The following TRPM5 variants were observed in gnomAD, a reference collection of about 807,000 sequenced individuals.
TRPM5 encodes the protein MLSN1 and TRP-related.
In TRPM5, 121 loss-of-function variants were observed where a neutral mutation model predicts 124.9. The ratio of observed to expected loss-of-function variants is 0.97; its 90% confidence interval spans 0.84 to 1.13. The LOEUF is 1.13. Ranked by LOEUF, TRPM5 falls within the 50% of genes most tolerant of loss-of-function variation. The pLI, the probability that TRPM5 is intolerant of heterozygous loss-of-function variation, is 0.00. For synonymous variants in TRPM5, 781 were observed against 700.5 expected (o/e 1.11, Z -1.81); for missense variants, 1,643 against 1,589.1 (o/e 1.03, Z -0.58).
intron 3 of TRPM5, 147 bp from the exon 9 acceptor site, chr11:2,420,552 A>G (rs1042174979): frequency 6.2e-6 from 5 of 808,146 alleles, no homozygotes; most frequent in Admixed American, 3.1e-5. Context: ...CCCACCCTTC[A>G]GACAAAAGGA....
At chr11:2,420,461 C>T (rs961791300) in intron 3 of TRPM5, 56 bp from the exon 9 acceptor site, 3 of 1,524,294 alleles carry the variant, frequency 2.0e-6, no homozygotes, top group African/African-American at 1.4e-5. Flanking sequence ...TGGGCTGGTC[C>T]CGCTGCGGGA....
chr11:2,405,460 G>A (rs1207025082), intron 23 of TRPM5, 67 bp downstream of exon 28: 4 of 1,480,954 alleles, frequency 2.7e-6, no homozygotes, highest in Non-Finnish European at 3.7e-6. Context: ...ACAGCCTACG[G>A]CCCCCCAGCC....
chr11:2,423,697 G>A (rs1487250772), upstream of TRPM5, among the ~76,000 whole-genome samples: 1 of 152,234 alleles, frequency 6.6e-6, no homozygotes, highest in Non-Finnish European at 1.5e-5. Flanking sequence ...GCAAGCGGGG[G>A]TAGAAGAGGC....
In TRPM5 at chr11:2,414,705, G is replaced by A. The variant is rs1315341126; in HGVS notation, c.1744+10C>T. 1.7e-5 allele frequency: 26 copies of A among 1,529,596 alleles called. No individual in the cohort carries two copies. Among genetic ancestry groups the A allele is most frequent in the East Asian group, 1.5e-4 (6 of 40,496 alleles). The allele number at this position is 1,529,596 out of a possible 1,614,324, so 94.8% of individuals were successfully genotyped here. A position where few individuals can be genotyped will look rare whatever the true frequency, so the allele number is the denominator to read the frequency against. On this transcript the variant is annotated intron_variant, in intron 11 of 23. Coordinates refer to ENST00000155858, the Ensembl canonical transcript of TRPM5. Reference sequence around the variant, plus strand: ...GCGCGCGGGCCCGGCCCCAGCCGCCGGTCACTCACCAAGGGCCAGCCGCTC... The same window carrying A: ...GCGCGCGGGCCCGGCCCCAGCCGCCAGTCACTCACCAAGGGCCAGCCGCTC...
chr11:2,429,723 A>G, the TRPM5 span, among the ~76,000 whole-genome samples: 2 of 151,650 alleles, frequency 1.3e-5, no homozygotes, highest in Non-Finnish European at 2.9e-5. The surrounding 1 kb of genome is among the most constrained non-coding windows in gnomAD (Gnocchi z 8.4). Flanking sequence ...GATGGCAGTG[A>G]TAGTTAGGAT....
In TRPM5 at chr11:2,407,445, C is replaced by G. The variant is rs3815062; in HGVS notation, c.2937-145G>C. 17 of 814,666 alleles carry G rather than the reference C, an allele frequency of 2.1e-5. No individual in the cohort carries two copies. The East Asian group carries it at 4.6e-4, about 22-fold the overall frequency. The allele number at this position is 814,666 out of a possible 1,614,324, so 50.5% of individuals were successfully genotyped here. A position where few individuals can be genotyped will look rare whatever the true frequency, so the allele number is the denominator to read the frequency against. On this transcript the variant is annotated intron_variant, in intron 19 of 23. Coordinates refer to ENST00000155858, the Ensembl canonical transcript of TRPM5. ...TCTGCGTTGCCTCTGGGGTGTGTCA[C>G]GAGGGGTCCACTCTCCTTGGGTCTT...
At chr11:2,404,856 G>T in exon 24 of TRPM5, 2 of 1,227,200 alleles carry the variant, frequency 1.6e-6, no homozygotes, top group Non-Finnish European at 2.3e-6. Context: ...GGGTTCCGCT[G>T]GAGGTCGGCA....
exon 7 of TRPM5, chr11:2,417,796 T>A: frequency 6.4e-7 from 1 of 1,569,128 alleles, no homozygotes; most frequent in South Asian, 1.1e-5. Context: ...TCATACACGG[T>A]GAGCAGGTGC....
Position 2,410,168 on chromosome 11 carries a change from C to T in TRPM5, c.2782+1184G>A, listed in dbSNP as rs569145555. 3.8e-3 allele frequency among the ~76,000 whole-genome samples: 585 copies of T among 152,304 alleles called. 1 individual carries two copies. Among genetic ancestry groups the T allele is most frequent in the South Asian group, 0.012 (58 of 4,826 alleles). The stretch of plus-strand genomic sequence containing the variant: ...ATGAATGCCTGTGATGAGCAAACAC[C>T]AAAATGTCAGGAGGGGCTGCGGGGG... On this transcript the variant is annotated intron_variant, in intron 18 of 23. Coordinates refer to ENST00000155858, the Ensembl canonical transcript of TRPM5.
the TRPM5 span, among the ~76,000 whole-genome samples, chr11:2,428,726 T>G: frequency 4.3e-4 from 65 of 150,610 alleles, 4 homozygotes; most frequent in South Asian, 0.013. This position sits in a 1 kb window ranked among gnomAD's most constrained non-coding sequence, Gnocchi z 4.0. Flanking sequence ...GTAGTGACTG[T>G]GGTGTTGTTG....
the TRPM5 span, among the ~76,000 whole-genome samples, chr11:2,436,710 A>G: frequency 6.6e-6 from 1 of 152,236 alleles, no homozygotes; most frequent in Non-Finnish European, 1.5e-5. Context: ...CTCCCACACA[A>G]GGTGATGCCG....
chr11:2,409,123 G>C (rs1347227068), intron 18 of TRPM5, among the ~76,000 whole-genome samples: 2 of 152,142 alleles, frequency 1.3e-5, no homozygotes, highest in East Asian at 3.9e-4. Flanking sequence ...GAGTGAGTTA[G>C]TGTGACGCGT....
chr11:2,405,586 T>C (rs987940086), exon 23 of TRPM5: 2 of 1,562,772 alleles, frequency 1.3e-6, no homozygotes, highest in Admixed American at 3.8e-5. Context: ...CACCGAGCAG[T>C]AGTTGATCTG....
chr11:2,405,940 C>T, intron 22 of TRPM5, 79 bp downstream of exon 27: 1 of 1,296,864 alleles, frequency 7.7e-7, no homozygotes, highest in Non-Finnish European at 1.1e-6. Context: ...AGTGACCGGG[C>T]AGGGCTGTGG....
exon 3 of TRPM5, chr11:2,421,085 C>T (rs1036969415): frequency 8.4e-6 from 13 of 1,549,566 alleles, no homozygotes; most frequent in Non-Finnish European, 1.1e-5. Flanking sequence ...GAGGCCATGC[C>T]GACAGCAACC....
exon 11 of TRPM5, chr11:2,414,719 G>A: frequency 2.0e-6 from 3 of 1,538,396 alleles, no homozygotes; most frequent in Non-Finnish European, 2.6e-6. Context: ...ACTCACCAAG[G>A]GCCAGCCGCT....
the TRPM5 span, among the ~76,000 whole-genome samples, chr11:2,437,836 G>C: frequency 1.3e-5 from 2 of 152,180 alleles, no homozygotes; most frequent in Non-Finnish European, 2.9e-5. The surrounding 1 kb of genome is among the most constrained non-coding windows in gnomAD (Gnocchi z 5.6). Context: ...GCATGCGGGG[G>C]CAGGTAGTTA....
chr11:2,412,691 A>C lies in TRPM5; in HGVS notation c.2355+63T>G, dbSNP rs1433065712. 2.0e-6 allele frequency: 3 copies of C among 1,494,622 alleles called. No individual in the cohort carries two copies. The African/African-American group carries it at 4.2e-5, about 21-fold the overall frequency. 92.6% of individuals were successfully genotyped at this position (1,494,622 alleles called of 1,614,324 possible). Reference sequence around the variant, plus strand: ...GCCCCACCCTGCGAGGGCAGGACCCAGCTTAGGTTGCCCAACCTGAAGCTG... The same window carrying C: ...GCCCCACCCTGCGAGGGCAGGACCCCGCTTAGGTTGCCCAACCTGAAGCTG... On this transcript the variant is annotated intron_variant, in intron 15 of 23. Coordinates refer to ENST00000155858, the Ensembl canonical transcript of TRPM5.
At chr11:2,431,847 A>C in the TRPM5 span, among the ~76,000 whole-genome samples, 2 of 152,008 alleles carry the variant, frequency 1.3e-5, no homozygotes, top group Non-Finnish European at 2.9e-5. Flanking sequence ...AAGGTCTTTC[A>C]TTTACTTTTT....
Sources: gnomAD v4.1 joint callset for allele counts (sites outside exome capture counted in the v4.1 genomes callset) on GRCh38, gnomAD v4.1.1 for gene constraint, Gnocchi (gnomAD v3.1) non-coding constraint, MANE v1.5 for transcripts, NCBI Gene and HGNC (gene_info 2026-07-23, HGNC 2026-07-21) for gene names.